LITAF: variants seen among roughly 807,000 people sequenced by gnomAD.
The protein encoded by LITAF is lipopolysaccharide induced TNF factor.
Under a neutral mutation model 14.5 loss-of-function variants are expected in LITAF, and 9 were observed. The observed-to-expected ratio is 0.62, with a 90% confidence interval of 0.37 to 1.08. The LOEUF (loss-of-function observed/expected upper bound fraction) is 1.08. Ranked by LOEUF, LITAF falls within the 50% of genes least tolerant of loss-of-function variation. LITAF has a pLI of 0.01. For missense variants in LITAF, 206 were observed against 213.4 expected (o/e 0.97, Z 0.22); for synonymous variants, 98 against 88.2 (o/e 1.11, Z -0.62).
chr16:11,638,733 A>AC (rs2065153126), upstream of LITAF, among the ~76,000 whole-genome samples: 2 of 132,690 alleles, frequency 1.5e-5, no homozygotes, highest in African/African-American at 6.2e-5. Context: ...AAAAAAAAAA[A>AC]AAAAAAAACC....
chr16:11,592,067 T>G (rs1249525086), upstream of LITAF, among the ~76,000 whole-genome samples: 1 of 152,186 alleles, frequency 6.6e-6, no homozygotes, highest in East Asian at 1.9e-4. Flanking sequence ...TGAAAACAAA[T>G]GCACAAGCAA....
At chr16:11,561,092 C>T (rs2064356622) in intron 1 of LITAF, 1 of 152,204 alleles carries the variant, frequency 6.6e-6, no homozygotes, top group Non-Finnish European at 1.5e-5. Context: ...GCCGTCACAG[C>T]CCCAGACCCA....
chr16:11,600,749 G>A (rs545779888), upstream of LITAF, among the ~76,000 whole-genome samples: 9 of 152,154 alleles, frequency 5.9e-5, no homozygotes, highest in African/African-American at 2.2e-4. This position sits in a 1 kb window ranked among gnomAD's most constrained non-coding sequence, Gnocchi z 4.1. Flanking sequence ...CCCAACCACA[G>A]GGGGAGAACT....
At chr16:11,625,219 C>A (rs1567267224) in intron 3 of LITAF, among the ~76,000 whole-genome samples, 2 of 151,432 alleles carry the variant, frequency 1.3e-5, no homozygotes, top group African/African-American at 4.9e-5. Context: ...TCACTGTGGT[C>A]CGGTGTGATG....
rs770332944 is a variant in LITAF, at chr16:11,549,132, T to C, written c.*505A>G. 4.4e-6 allele frequency: 2 copies of C among 454,020 alleles called. No individual in the cohort carries two copies. Among genetic ancestry groups the C allele is most frequent in the South Asian group, 1.6e-5 (1 of 64,464 alleles). 28.1% of individuals were successfully genotyped at this position (454,020 alleles called of 1,614,324 possible). ...TTACAGAATCTCAAAGCCAAGCCTG[T>C]AAAGTCTGTAAGGCAAGATCTTTGT... On this transcript the variant is annotated 3_prime_UTR_variant, in exon 4 of 4. Coordinates refer to ENST00000622633, the MANE Select transcript of LITAF (RefSeq NM_001136472.2). This position sits in a 1 kb window ranked among gnomAD's most constrained non-coding sequence, Gnocchi z 4.6.
chr16:11,624,585 C>T (rs898982236), intron 3 of LITAF, among the ~76,000 whole-genome samples: 11 of 152,344 alleles, frequency 7.2e-5, no homozygotes, highest in Admixed American at 1.3e-4. Flanking sequence ...GCAAGGCTGC[C>T]GTGACAGTTG....
Position 11,553,726 on chromosome 16 carries a change from G to A in LITAF, c.221-37C>T. 3 of 1,612,954 alleles carry A rather than the reference G, an allele frequency of 1.9e-6. No individual in the cohort carries two copies. The highest frequency in any genetic ancestry group is 8.5e-7 in the Non-Finnish European group (1 of 1,179,324). The stretch of plus-strand genomic sequence containing the variant: ...GAGAGGGACAAACACAGGTTGCTCA[G>A]GAAACAAGGCCAATAGCATTCACTA... On this transcript the variant is annotated intron_variant, in intron 2 of 3. Coordinates refer to ENST00000622633, the MANE Select transcript of LITAF (RefSeq NM_001136472.2). The surrounding 1 kb of genome is among the most constrained non-coding windows in gnomAD (Gnocchi z 7.7).
chr16:11,557,040 C>A (rs1356785867), intron 1 of LITAF, among the ~76,000 whole-genome samples: 1 of 151,198 alleles, frequency 6.6e-6, no homozygotes, highest in Admixed American at 6.7e-5. Context: ...ACGTACCTTC[C>A]ATATCTGGTG....
chr16:11,571,959 C>T (rs1343097128), intron 1 of LITAF, among the ~76,000 whole-genome samples: 3 of 151,698 alleles, frequency 2.0e-5, no homozygotes, highest in African/African-American at 7.3e-5. Context: ...CGTGGTGGTG[C>T]GCACCTGTAG....
intron 1 of LITAF, among the ~76,000 whole-genome samples, chr16:11,557,140 G>A (rs758138797): frequency 4.0e-5 from 6 of 150,862 alleles, no homozygotes; most frequent in Non-Finnish European, 5.9e-5. Context: ...TTCAGGTAAC[G>A]GAAAAGATAA....
At chr16:11,615,264 C>T (rs1398436553) in intron 3 of LITAF, among the ~76,000 whole-genome samples, 15 of 152,120 alleles carry the variant, frequency 9.9e-5, no homozygotes, top group South Asian at 2.1e-4. Flanking sequence ...ACCTTGGGTG[C>T]GGTGGCTCAC....
In LITAF at chr16:11,594,883, T is replaced by A. The variant is rs558861722; in HGVS notation, c.-6+3505A>T. On this transcript the variant is annotated intron_variant, in intron 1 of 3. Coordinates refer to the LITAF transcript ENST00000571627. Reference sequence around the variant, plus strand: ...AGAGCAAGACTCCATCTCAAAAAAATAAAAAAAAATAAAATAAAGTAAAAT... The same window carrying A: ...AGAGCAAGACTCCATCTCAAAAAAAAAAAAAAAAATAAAATAAAGTAAAAT... Among the ~76,000 whole-genome samples the A allele has an allele frequency of 4.6e-4, 45 of 98,506 alleles. No homozygotes were observed. In the East Asian group the frequency reaches 9.5e-3, roughly 21 times the overall value. 64.6% of individuals were successfully genotyped at this position (98,506 alleles called of 152,430 possible). A position where few individuals can be genotyped will look rare whatever the true frequency, so the allele number is the denominator to read the frequency against.
intron 3 of LITAF, chr16:11,551,732 T>A: frequency 1.5e-6 from 1 of 680,456 alleles, no homozygotes; most frequent in Non-Finnish European, 2.7e-6. Flanking sequence ...CTCAGGAGGC[T>A]GAGCTGGGCG....
chr16:11,575,815 C>A (rs1048723721), intron 1 of LITAF, among the ~76,000 whole-genome samples: 2 of 152,302 alleles, frequency 1.3e-5, no homozygotes, highest in Non-Finnish European at 2.9e-5. Context: ...CATTCTGACC[C>A]ACAGCCTCTG....
chr16:11,601,008 G>A (rs2064923116), upstream of LITAF, among the ~76,000 whole-genome samples: 1 of 152,006 alleles, frequency 6.6e-6, no homozygotes, highest in African/African-American at 2.4e-5. Context: ...TCCCTGGTTT[G>A]GAAAGTGACC....
rs554095120 is a variant in LITAF at position 11,553,291 on chromosome 16, A to G, written c.377+242T>C. The G allele has an allele frequency of 8.2e-6, 4 of 489,628 alleles. No homozygotes were observed. The East Asian group carries it at 1.5e-4, about 19-fold the overall frequency. The allele number at this position is 489,628 out of a possible 1,614,324, so 30.3% of individuals were successfully genotyped here. A position where few individuals can be genotyped will look rare whatever the true frequency, so the allele number is the denominator to read the frequency against. On this transcript the variant is annotated intron_variant, in intron 3 of 3. Coordinates refer to ENST00000622633, the MANE Select transcript of LITAF (RefSeq NM_001136472.2). This position sits in a 1 kb window ranked among gnomAD's most constrained non-coding sequence, Gnocchi z 7.7. ...CTGGGCGTGGTTGTGCACCCCTATA[A>G]TCCCAGCTACACGGGACGCTAAGGC...
chr16:11,586,942 G>A (rs899392591), upstream of LITAF: 1 of 151,316 alleles, frequency 6.6e-6, no homozygotes, highest in Non-Finnish European at 1.5e-5. This position sits in a 1 kb window ranked among gnomAD's most constrained non-coding sequence, Gnocchi z 6.5. Context: ...CGGGCGCCCC[G>A]AGAAAAGGGC....
intron 3 of LITAF, among the ~76,000 whole-genome samples, chr16:11,624,411 G>C (rs1816684146): frequency 6.6e-6 from 1 of 152,152 alleles, no homozygotes; most frequent in Non-Finnish European, 1.5e-5. Context: ...ATGATAACAA[G>C]CCCCTCCCTG....
rs761406838 is a variant in LITAF, at chr16:11,549,514, C to G, written c.*123G>C. 2 of 743,102 alleles carry G rather than the reference C, an allele frequency of 2.7e-6. No homozygotes were observed. The highest frequency in any genetic ancestry group is 4.0e-5 in the Admixed American group (2 of 49,642). The allele number at this position is 743,102 out of a possible 1,614,324, so 46.0% of individuals were successfully genotyped here. ...GCGACGTATTCCCCCCAAAAGAAGA[C>G]ATGAAGGTGGGCCCCCTGGAGAGGT... On this transcript the variant is annotated 3_prime_UTR_variant, in exon 4 of 4. Coordinates refer to ENST00000622633, the MANE Select transcript of LITAF (RefSeq NM_001136472.2). This position sits in a 1 kb window ranked among gnomAD's most constrained non-coding sequence, Gnocchi z 4.6.
Sources: gnomAD v4.1 joint callset for allele counts (sites outside exome capture counted in the v4.1 genomes callset) on GRCh38, gnomAD v4.1.1 for gene constraint, Gnocchi (gnomAD v3.1) non-coding constraint, MANE v1.5 for transcripts, NCBI Gene and HGNC (gene_info 2026-07-23, HGNC 2026-07-21) for gene names.